PCDH15: variants seen among roughly 807,000 people sequenced by gnomAD.
PCDH15 encodes the protein protocadherin-15.
A neutral mutation model predicts 178.5 loss-of-function variants in PCDH15; 129 were observed. The ratio of observed to expected loss-of-function variants is 0.72; its 90% CI spans 0.63 to 0.84. PCDH15 has a LOEUF of 0.84. PCDH15 is among the 40% of genes least tolerant of loss of function. The pLI is 0.00. For synonymous variants in PCDH15, 800 were observed against 732.0 expected (o/e 1.09, Z -1.50); for missense variants, 2,230 against 2,099.9 (o/e 1.06, Z -1.21).
At chr10:55,098,565 C>G (rs919699014) in intron 2 of PCDH15, among the ~76,000 whole-genome samples, 2 of 152,016 alleles carry the variant, frequency 1.3e-5, no homozygotes, top group African/African-American at 4.8e-5. Context: ...AATGGTGGCT[C>G]CATCTTCCCT....
chr10:54,496,701 G>C (rs1218028870), intron 3 of PCDH15, among the ~76,000 whole-genome samples: 1 of 152,046 alleles, frequency 6.6e-6, no homozygotes, highest in Non-Finnish European at 1.5e-5. Flanking sequence ...TGCGATGATA[G>C]AAATTTAAAA....
intron 1 of PCDH15, among the ~76,000 whole-genome samples, chr10:54,687,035 G>A (rs1172974178): frequency 6.6e-6 from 1 of 152,070 alleles, no homozygotes; most frequent in Admixed American, 6.6e-5. Context: ...AATGTTCAAT[G>A]TCCCTAATGA....
chr10:54,278,965 G>A lies in PCDH15; in HGVS notation c.876+38306C>T, dbSNP rs2044001. Reference sequence around the variant, plus strand: ...TTGTTGTTTCTAAAAAAGTATACATGATATTATACAATAAACATCTAGAAT... The same window carrying A: ...TTGTTGTTTCTAAAAAAGTATACATAATATTATACAATAAACATCTAGAAT... On this transcript the variant is annotated intron_variant, in intron 8 of 37. Transcript: ENST00000644397. 4.0e-5 allele frequency among the ~76,000 whole-genome samples: 6 copies of A among 151,206 alleles called. No homozygotes were observed. In the South Asian group the frequency reaches 1.2e-3, roughly 31 times the overall value.
intron 2 of PCDH15, among the ~76,000 whole-genome samples, chr10:55,504,775 T>C (rs150425687): frequency 1.6e-4 from 25 of 151,516 alleles, no homozygotes; most frequent in African/African-American, 5.1e-4. Context: ...ACATACAACA[T>C]AATTCAACAA....
At chr10:54,492,281 T>A (rs956245039) in intron 3 of PCDH15, among the ~76,000 whole-genome samples, 3 of 152,172 alleles carry the variant, frequency 2.0e-5, no homozygotes, top group African/African-American at 7.2e-5. Flanking sequence ...AGTAGAGAGA[T>A]GTGCTGAGAC....
At chr10:55,188,906 T>C (rs1029270162) in intron 1 of PCDH15, among the ~76,000 whole-genome samples, 1 of 151,868 alleles carries the variant, frequency 6.6e-6, no homozygotes, top group Non-Finnish European at 1.5e-5. Flanking sequence ...TCTAAAATTT[T>C]AGAAACAGTT....
intron 1 of PCDH15, among the ~76,000 whole-genome samples, chr10:55,292,117 C>T (rs1049254378): frequency 6.6e-6 from 1 of 152,072 alleles, no homozygotes; most frequent in Non-Finnish European, 1.5e-5. Context: ...CCCAACAGTC[C>T]CCCAAAGTCT....
chr10:53,909,552 A>C (rs1341745194), intron 25 of PCDH15, among the ~76,000 whole-genome samples: 1 of 152,226 alleles, frequency 6.6e-6, no homozygotes, highest in East Asian at 1.9e-4. Flanking sequence ...AGACAGCTGA[A>C]TAGGAACAGC....
chr10:55,191,781 A>C (rs1839950418), intron 1 of PCDH15, among the ~76,000 whole-genome samples: 2 of 151,882 alleles, frequency 1.3e-5, no homozygotes, highest in South Asian at 4.1e-4. Flanking sequence ...TATTGTTTTC[A>C]GTAGCCCAAA....
At chr10:55,219,746 G>A (rs912382779) in intron 1 of PCDH15, among the ~76,000 whole-genome samples, 8 of 151,574 alleles carry the variant, frequency 5.3e-5, no homozygotes, top group East Asian at 1.9e-4. Context: ...AGATGCCTCC[G>A]TTTCCAGCTA....
At chr10:55,540,262 T>C (rs1274657457) in intron 2 of PCDH15, among the ~76,000 whole-genome samples, 2 of 152,060 alleles carry the variant, frequency 1.3e-5, no homozygotes, top group Non-Finnish European at 2.9e-5. Flanking sequence ...AAAAATATAA[T>C]ACAATGAGTT....
At chr10:54,800,847 G>C (rs1038347411) in intron 1 of PCDH15, 78 bp downstream of exon 1, 2 of 152,054 alleles carry the variant, frequency 1.3e-5, no homozygotes, top group Non-Finnish European at 2.9e-5. Context: ...TGTACTGAAA[G>C]AACATCTTAA....
chr10:54,250,467 T>C (rs1329828829), intron 8 of PCDH15, among the ~76,000 whole-genome samples: 2 of 151,158 alleles, frequency 1.3e-5, no homozygotes, highest in African/African-American at 4.9e-5. Flanking sequence ...GTATTTTTAG[T>C]AGAGACAGGG....
At chr10:54,865,352 A>C (rs563451518) in intron 3 of PCDH15, among the ~76,000 whole-genome samples, 59 of 152,278 alleles carry the variant, frequency 3.9e-4, no homozygotes, top group African/African-American at 1.4e-3. Context: ...TTGGACTTAC[A>C]TCAGTGGCTT....
At chr10:54,557,158 G>T (rs1298159040) in intron 2 of PCDH15, among the ~76,000 whole-genome samples, 1 of 152,076 alleles carries the variant, frequency 6.6e-6, no homozygotes, top group Non-Finnish European at 1.5e-5. Flanking sequence ...TGATGTTTCT[G>T]CATTATATTC....
chr10:54,537,318 A>C (rs959735473), intron 2 of PCDH15, among the ~76,000 whole-genome samples: 9 of 152,090 alleles, frequency 5.9e-5, no homozygotes, highest in Admixed American at 4.6e-4. Context: ...TTTCTTTTAG[A>C]TATATAACCA....
chr10:55,212,015 G>A (rs1248023369), intron 1 of PCDH15, among the ~76,000 whole-genome samples: 1 of 152,066 alleles, frequency 6.6e-6, no homozygotes. Flanking sequence ...AGCTTGCACG[G>A]TGGAATGCCG....
intron 10 of PCDH15, among the ~76,000 whole-genome samples, chr10:54,197,443 A>G (rs1255537093): frequency 6.6e-6 from 1 of 152,172 alleles, no homozygotes; most frequent in Non-Finnish European, 1.5e-5. Context: ...ATTTAATAGC[A>G]TATACATTTA....
At chr10:54,350,852 CCAA>C (rs1344427231) in intron 5 of PCDH15, among the ~76,000 whole-genome samples, 1 of 151,878 alleles carries the variant, frequency 6.6e-6, no homozygotes, top group Non-Finnish European at 1.5e-5. Context: ...GCCTGTAATC[CCAA>C]CAATTTGGGA....
Sources: gnomAD v4.1 joint callset for allele counts (sites outside exome capture counted in the v4.1 genomes callset) on GRCh38, gnomAD v4.1.1 for gene constraint, MANE v1.5 for transcripts, NCBI Gene and HGNC (gene_info 2026-07-23, HGNC 2026-07-21) for gene names.